ADCY7: variants seen among roughly 807,000 people sequenced by gnomAD.
ADCY7 encodes adenylate cyclase 7, also known as adenylate cyclase type 7.
In ADCY7, 72 loss-of-function variants were observed where a neutral mutation model predicts 120.6. The ratio of observed to expected loss-of-function variants is 0.60; its 90% CI spans 0.49 to 0.73. ADCY7 has a LOEUF of 0.73. ADCY7 is among the 30% of genes least tolerant of loss of function. ADCY7 has a pLI of 0.00. For missense variants in ADCY7, 1,227 were observed against 1,486.0 expected (o/e 0.83, Z 2.87); for synonymous variants, 661 against 628.0 (o/e 1.05, Z -0.78).
At chr16:50,311,393 C>A (rs1195313435) in intron 19 of ADCY7, among the ~76,000 whole-genome samples, 1 of 152,174 alleles carries the variant, frequency 6.6e-6, no homozygotes, top group East Asian at 1.9e-4. Flanking sequence ...ACCCATCCAC[C>A]CCACCCCGCC....
chr16:50,298,817 G>A lies in ADCY7; in HGVS notation c.949-87G>A, dbSNP rs545365127. The A allele has an allele frequency of 2.8e-5, 42 of 1,519,814 alleles. No homozygotes were observed. In the African/African-American group the frequency reaches 5.1e-4, roughly 18 times the overall value. The allele number at this position is 1,519,814 out of a possible 1,614,324, so 94.1% of individuals were successfully genotyped here. A position where few individuals can be genotyped will look rare whatever the true frequency, so the allele number is the denominator to read the frequency against. On this transcript the variant is annotated intron_variant, in intron 7 of 25. Coordinates refer to ENST00000673801, the MANE Select transcript of ADCY7 (RefSeq NM_001114.5). ...GCCCCCAGCCAGGAGAGAGCCGGGTGCACCCTGGAGGGTGGGGGGAGGCGG... is the reference window on the plus strand; with the variant it reads ...GCCCCCAGCCAGGAGAGAGCCGGGTACACCCTGGAGGGTGGGGGGAGGCGG...
intron 20 of ADCY7, 82 bp from the exon 21 acceptor site, chr16:50,311,950 GGACA>G (rs1178481895): frequency 3.8e-6 from 6 of 1,580,594 alleles, no homozygotes; most frequent in Non-Finnish European, 5.2e-6. Flanking sequence ...AGGACGCCAG[GGACA>G]GACAGACCTG....
intron 18 of ADCY7, 187 bp from the exon 19 acceptor site, chr16:50,310,500 A>C: frequency 6.5e-7 from 1 of 1,537,552 alleles, no homozygotes; most frequent in African/African-American, 1.4e-5. Flanking sequence ...ACTTCATAAG[A>C]AATAAAACTA....
intron 1 of ADCY7, among the ~76,000 whole-genome samples, chr16:50,281,384 A>AGGTG (rs1189688571): frequency 2.7e-3 from 262 of 96,546 alleles, no homozygotes; most frequent in Admixed American, 6.7e-3. Flanking sequence ...TGTGGCAGGT[A>AGGTG]AGGCAGGTGC....
At position 50,305,585 on chromosome 16, in the gene ADCY7, A is replaced by T; in HGVS notation, c.1678A>T (p.Arg560Trp). ...AGCCATTGAGGGGCTCAGCTCCACG[A>T]GGTGAGGTCTGAGACCTCTGTCCAC... ...LSAIEGLSSTRPCCSKSDDFY... is the reference protein window; with the variant it reads ...LSAIEGLSSTWPCCSKSDDFY... Residue 560 changes from arginine (R) to tryptophan (W), a missense_variant and splice_region_variant, in exon 13 of 26, where the codon AGG becomes TGG. This residue lies in a region of ADCY7 where 332 missense variants were observed against 455.8 expected (regional missense o/e 0.73). Coordinates refer to ENST00000673801, the MANE Select transcript of ADCY7 (RefSeq NM_001114.5). 6.3e-7 allele frequency: 1 copy of T among 1,597,876 alleles called. No individual in the cohort carries two copies. The highest frequency in any genetic ancestry group is 8.5e-7 in the Non-Finnish European group (1 of 1,170,720).
intron 1 of ADCY7, among the ~76,000 whole-genome samples, chr16:50,285,311 C>A (rs942841510): frequency 2.6e-5 from 4 of 152,288 alleles, no homozygotes; most frequent in African/African-American, 9.6e-5. Context: ...GGGCCCCCAG[C>A]AAATGACCCC....
chr16:50,254,458 A>C (rs1041543878), intron 1 of ADCY7, among the ~76,000 whole-genome samples: 1 of 152,262 alleles, frequency 6.6e-6, no homozygotes, highest in Non-Finnish European at 1.5e-5. Flanking sequence ...TCAACACACA[A>C]AAATCAGTCA....
chr16:50,310,278 C>T (rs1421621431), intron 18 of ADCY7, among the ~76,000 whole-genome samples: 2 of 152,090 alleles, frequency 1.3e-5, no homozygotes, highest in East Asian at 3.9e-4. Flanking sequence ...CTGGGAGGTG[C>T]AGGAATGCCG....
At chr16:50,279,792 G>A (rs2034134772) in intron 1 of ADCY7, 1 of 152,264 alleles carries the variant, frequency 6.6e-6, no homozygotes, top group Admixed American at 6.5e-5. Flanking sequence ...ATTATCATTG[G>A]CAGCTGGAGC....
At position 50,291,983 on chromosome 16, in the gene ADCY7, C is replaced by A. The variant is rs1482524149; in HGVS notation, c.537+86C>A. 1.8e-5 allele frequency: 25 copies of A among 1,410,746 alleles called. No homozygotes were observed. The East Asian group carries it at 4.7e-4, about 27-fold the overall frequency. The allele number at this position is 1,410,746 out of a possible 1,614,324, so 87.4% of individuals were successfully genotyped here. ...GGGGGCCCCCTCTGGGTGAATCAGA[C>A]CCGAAGGCCCCGGAGCCGTGTTTGC... On this transcript the variant is annotated intron_variant, in intron 4 of 25. Transcript: ENST00000673801.
At chr16:50,266,998 T>C (rs2033257156) in intron 1 of ADCY7, among the ~76,000 whole-genome samples, 1 of 152,152 alleles carries the variant, frequency 6.6e-6, no homozygotes, top group African/African-American at 2.4e-5. Flanking sequence ...CTCTCAAATG[T>C]CCACACTCCT....
chr16:50,292,555 C>G (rs1354999064), intron 4 of ADCY7, 121 bp from the exon 5 acceptor site: 3 of 1,274,658 alleles, frequency 2.4e-6, no homozygotes, highest in African/African-American at 3.0e-5. Flanking sequence ...GAGTGCCATT[C>G]TCAGTGGGTT....
upstream of ADCY7, among the ~76,000 whole-genome samples, chr16:50,262,896 G>T (rs1373957871): frequency 6.6e-6 from 1 of 152,234 alleles, no homozygotes; most frequent in Admixed American, 6.5e-5. Context: ...GAAAGCGGGT[G>T]TTTGTTCAGC....
Position 50,307,072 on chromosome 16 carries a change from G to A in ADCY7, c.1775G>A (p.Arg592Gln), listed in dbSNP as rs769391894. The change falls in exon 15 of 26, where the codon CGG (arginine) becomes CAG (glutamine). Residue 592 changes from arginine (R) to glutamine (Q), a missense_variant. Arg to Gln is a conservative substitution (Grantham distance 43). Around this residue, in one of 5 missense-constraint regions of ADCY7, gnomAD observed 332 missense variants for 455.8 expected, o/e 0.73. Transcript: ENST00000673801. ...CAGTACCGCCTGGCACCCATCCCCC[G>A]GGCCCGCCACGACTTTGCCTGCGCC... ...EREYRLAPIP[R>Q]ARHDFACASL... 1.4e-5 allele frequency: 22 copies of A among 1,609,256 alleles called. No homozygotes were observed. In the East Asian group the frequency reaches 1.6e-4, roughly 11 times the overall value.
At position 50,294,633 on chromosome 16, in the gene ADCY7, T is replaced by G; in HGVS notation, c.837-7T>G. The G allele has an allele frequency of 2.7e-6, 2 of 732,764 alleles. No individual in the cohort carries two copies. Among genetic ancestry groups the G allele is most frequent in the Non-Finnish European group, 4.8e-6 (2 of 415,122 alleles). 45.4% of individuals were successfully genotyped at this position (732,764 alleles called of 1,614,324 possible). ...TGACACTCCCTCCCACCCTGCCCCA[T>G]CCCCAGCATCCTCTATGCGGACATC... On this transcript the variant is annotated splice_polypyrimidine_tract_variant and splice_region_variant and intron_variant, in intron 6 of 25. Transcript: ENST00000673801.
chr16:50,312,086 G>GGAGCACGA lies in ADCY7; in HGVS notation c.2501_2508dup (p.Glu837SerfsTer11), dbSNP rs1269914691. 2 of 1,614,130 alleles carry GGAGCACGA rather than the reference G, an allele frequency of 1.2e-6. No individual in the cohort carries two copies. Among genetic ancestry groups the GGAGCACGA allele is most frequent in the Non-Finnish European group, 1.7e-6 (2 of 1,180,052 alleles). ...GCCTATGGAAGAAGAAGTTCAAGAA[G>GGAGCACGA]GAGCACGAGGAGTTTGAGACCATGG... is the stretch of plus-strand genomic sequence containing the variant. On this transcript the variant is annotated frameshift_variant, in exon 21 of 26. Transcript: ENST00000673801. LOFTEE classifies it high-confidence loss of function.
chr16:50,246,258 C>A, intron 1 of ADCY7: 2 of 150,320 alleles, frequency 1.3e-5, no homozygotes, highest in South Asian at 3.9e-4. Context: ...CGCCCGGGGT[C>A]GGGGGTGCCC....
At position 50,292,955 on chromosome 16, in the gene ADCY7, G is replaced by A. The variant is rs1010058397; in HGVS notation, c.687+130G>A. On this transcript the variant is annotated intron_variant, in intron 5 of 25. Transcript: ENST00000673801. ...ACACCCATGCAGGTCTCACCTCGGTGAGTCCTGGGCTCCAGCAGGGTAACC... is the reference window on the plus strand; with the variant it reads ...ACACCCATGCAGGTCTCACCTCGGTAAGTCCTGGGCTCCAGCAGGGTAACC... 3.3e-6 allele frequency: 4 copies of A among 1,226,712 alleles called. No individual in the cohort carries two copies. In the African/African-American group the frequency reaches 4.5e-5, roughly 14 times the overall value. The allele number at this position is 1,226,712 out of a possible 1,614,324, so 76.0% of individuals were successfully genotyped here. A position where few individuals can be genotyped will look rare whatever the true frequency, so the allele number is the denominator to read the frequency against.
chr16:50,245,523 A>G (rs918703599), upstream of ADCY7, among the ~76,000 whole-genome samples: 2 of 152,074 alleles, frequency 1.3e-5, no homozygotes, highest in Non-Finnish European at 2.9e-5. Context: ...TTTTCTGCCA[A>G]CACTGGGGCC....
Sources: allele counts gnomAD v4.1 joint callset (sites outside exome capture counted in the v4.1 genomes callset), GRCh38; gene constraint gnomAD v4.1.1; regional missense constraint gnomAD v4.1.1; transcripts MANE v1.5; gene names NCBI Gene and HGNC (gene_info 2026-07-23, HGNC 2026-07-21).